GRM7: variants seen among roughly 807,000 people sequenced by gnomAD.
GRM7 encodes the protein glutamate metabotropic receptor 7, also known as metabotropic glutamate receptor 7.
In GRM7, 35 loss-of-function variants were observed where a neutral mutation model predicts 84.5. The ratio of observed to expected loss-of-function variants is 0.41; its 90% CI spans 0.32 to 0.55. The LOEUF (loss-of-function observed/expected upper bound fraction) is 0.55, where lower values mean the gene tolerates loss of function less well. GRM7 is among the 20% of genes least tolerant of loss of function. The pLI, the probability that GRM7 is intolerant of heterozygous loss-of-function variation, is 0.19. For missense variants in GRM7, 1,003 were observed against 1,194.6 expected (o/e 0.84, Z 2.36); for synonymous variants, 487 against 455.1 (o/e 1.07, Z -0.89).
chr3:6,945,387 C>T (rs62235417), intron 1 of GRM7, among the ~76,000 whole-genome samples: 34,515 of 151,562 alleles, frequency 0.23, 4,080 homozygotes, highest in Non-Finnish European at 0.26. Flanking sequence ...ACAAAGGACA[C>T]GAACTCATCA....
intron 1 of GRM7, among the ~76,000 whole-genome samples, chr3:6,949,698 A>T (rs9819442): frequency 0.036 from 5,523 of 152,192 alleles, 345 homozygotes; most frequent in African/African-American, 0.13. Context: ...TACACCAATC[A>T]GACGTAGATT....
intron 2 of GRM7, among the ~76,000 whole-genome samples, chr3:7,230,923 T>C (rs1319303463): frequency 6.6e-6 from 1 of 152,182 alleles, no homozygotes; most frequent in African/African-American, 2.4e-5. Flanking sequence ...TTATAGGTCA[T>C]TACCATCTCA....
At chr3:7,113,087 CT>C (rs1351805150) in intron 1 of GRM7, among the ~76,000 whole-genome samples, 1 of 152,010 alleles carries the variant, frequency 6.6e-6, no homozygotes, top group East Asian at 1.9e-4. Context: ...GAGCTGGGTC[CT>C]GATGAACTTT....
chr3:7,527,617 A>G (rs1403746202), intron 7 of GRM7, among the ~76,000 whole-genome samples: 1 of 151,936 alleles, frequency 6.6e-6, no homozygotes, highest in African/African-American at 2.4e-5. Flanking sequence ...TCTTAGGGGG[A>G]ATACTTCTAT....
At chr3:7,428,116 G>C (rs909562935) in intron 5 of GRM7, among the ~76,000 whole-genome samples, 10 of 152,104 alleles carry the variant, frequency 6.6e-5, no homozygotes, top group African/African-American at 2.4e-4. Flanking sequence ...AGAAAACACG[G>C]GTTTCTGAAA....
At position 6,961,801 on chromosome 3, in the gene GRM7, C is replaced by G. The variant is rs1457831031; in HGVS notation, c.519+99894C>G. ...GACCCTCCCTTCTGTCCCACTGGAG[C>G]CCTGTCCTCATGCAGTTATTTCTTC... On this transcript the variant is annotated intron_variant, in intron 1 of 9. Transcript: ENST00000357716. Among the ~76,000 whole-genome samples, 3 of 152,240 alleles carry G rather than the reference C, an allele frequency of 2.0e-5. No individual in the cohort carries two copies. In the East Asian group the frequency reaches 5.8e-4, roughly 29 times the overall value.
At chr3:7,583,639 G>T (rs189612328) in intron 8 of GRM7, among the ~76,000 whole-genome samples, 4 of 152,140 alleles carry the variant, frequency 2.6e-5, no homozygotes. Context: ...AAGATTAATC[G>T]ACTTAAAGAA....
intron 7 of GRM7, among the ~76,000 whole-genome samples, chr3:7,548,198 G>A (rs115874538): frequency 4.1e-4 from 62 of 152,184 alleles, no homozygotes; most frequent in Middle Eastern, 3.2e-3. Flanking sequence ...GAATGTCTTC[G>A]TGCCATCCTC....
intron 5 of GRM7, among the ~76,000 whole-genome samples, chr3:7,443,997 A>T (rs1382326989): frequency 7.9e-5 from 12 of 152,212 alleles, no homozygotes; most frequent in Admixed American, 7.9e-4. Context: ...GGAGGAAAAA[A>T]GATTAAGCTA....
intron 8 of GRM7, among the ~76,000 whole-genome samples, chr3:7,614,042 T>A (rs1466513379): frequency 2.0e-5 from 3 of 152,118 alleles, no homozygotes; most frequent in African/African-American, 7.2e-5. Flanking sequence ...GGCGAGCTGA[T>A]CATCTGAGGT....
chr3:7,498,151 C>G (rs1365955947), intron 7 of GRM7, among the ~76,000 whole-genome samples: 15 of 152,144 alleles, frequency 9.9e-5, no homozygotes, highest in Admixed American at 6.5e-4. Context: ...AAATATTTCC[C>G]TAGCATTTCC....
chr3:7,298,396 C>G (rs960960245), intron 2 of GRM7, among the ~76,000 whole-genome samples: 2 of 152,142 alleles, frequency 1.3e-5, no homozygotes, highest in African/African-American at 4.8e-5. Context: ...CTTTTTCTTC[C>G]TACCTAAACC....
At chr3:7,182,758 TG>T (rs1186130537) in intron 2 of GRM7, among the ~76,000 whole-genome samples, 2 of 152,236 alleles carry the variant, frequency 1.3e-5, no homozygotes, top group African/African-American at 4.8e-5. Context: ...TGAAGTTGAT[TG>T]GAAATCTTTC....
chr3:7,427,216 A>G (rs1443243232), intron 5 of GRM7, among the ~76,000 whole-genome samples: 1 of 152,240 alleles, frequency 6.6e-6, no homozygotes, highest in Non-Finnish European at 1.5e-5. Context: ...ATAAACTGTA[A>G]TATATTAGCC....
intron 1 of GRM7, among the ~76,000 whole-genome samples, chr3:7,022,367 G>GCACACACACACACACA (rs71307753): frequency 0.04 from 5,770 of 145,652 alleles, 353 homozygotes; most frequent in African/African-American, 0.13. Context: ...ACACACACAT[G>GCACACACACACACACA]CACACACACA....
chr3:7,368,063 C>G (rs1441683531), intron 4 of GRM7, among the ~76,000 whole-genome samples: 1 of 151,640 alleles, frequency 6.6e-6, no homozygotes, highest in East Asian at 1.9e-4. Context: ...GAAATAATGT[C>G]TATTTAGAGG....
chr3:7,193,825 A>G (rs537902598), intron 2 of GRM7, among the ~76,000 whole-genome samples: 4 of 152,214 alleles, frequency 2.6e-5, no homozygotes, highest in Admixed American at 1.3e-4. Context: ...ACACAAATAA[A>G]CAACCAGAGA....
At chr3:7,157,729 T>C (rs899175044) in intron 2 of GRM7, among the ~76,000 whole-genome samples, 3 of 143,286 alleles carry the variant, frequency 2.1e-5, no homozygotes, top group African/African-American at 7.9e-5. Flanking sequence ...TTTTTTTTTT[T>C]AACAATCCCC....
intron 6 of GRM7, among the ~76,000 whole-genome samples, chr3:7,457,845 G>C (rs1018854701): frequency 1.3e-5 from 2 of 152,220 alleles, no homozygotes; most frequent in African/African-American, 4.8e-5. Flanking sequence ...GTATCCCACC[G>C]GTTAGCCAAT....
Sources: gnomAD v4.1 joint callset for allele counts (sites outside exome capture counted in the v4.1 genomes callset) on GRCh38, gnomAD v4.1.1 for gene constraint, MANE v1.5 for transcripts, NCBI Gene and HGNC (gene_info 2026-07-23, HGNC 2026-07-21) for gene names.